The following SPAG16 variants were observed in gnomAD, a reference collection of about 807,000 sequenced individuals.
The protein encoded by SPAG16 is sperm-associated antigen 16 protein.
Under a neutral mutation model 80.4 loss-of-function variants are expected in SPAG16, and 86 were observed. That is an observed-to-expected ratio of 1.07 (90% CI 0.90 to 1.28). SPAG16 has a LOEUF of 1.28. Ranked by LOEUF, SPAG16 falls within the 50% of genes most tolerant of loss-of-function variation. SPAG16 has a pLI of 0.00. For synonymous variants in SPAG16, 294 were observed against 265.9 expected (o/e 1.11, Z -1.03); for missense variants, 870 against 765.3 (o/e 1.14, Z -1.61).
At chr2:214,298,157 T>C (rs9288494) in intron 15 of SPAG16, among the ~76,000 whole-genome samples, 25,232 of 131,150 alleles carry the variant, frequency 0.19, 2,462 homozygotes, top group Middle Eastern at 0.29. Flanking sequence ...CACACACACA[T>C]ATACACACAC....
At chr2:213,390,369 G>T (rs2067676780) in intron 9 of SPAG16, among the ~76,000 whole-genome samples, 1 of 151,938 alleles carries the variant, frequency 6.6e-6, no homozygotes, top group Admixed American at 6.6e-5. Flanking sequence ...TCCTAAAATT[G>T]GTTTTATGTT....
intron 10 of SPAG16, among the ~76,000 whole-genome samples, chr2:213,790,695 T>C (rs2070642603): frequency 6.6e-6 from 1 of 152,008 alleles, no homozygotes; most frequent in Admixed American, 6.6e-5. Flanking sequence ...CAAGCATCTA[T>C]GTGTATGGTC....
chr2:213,754,387 A>G (rs2068220110), intron 10 of SPAG16, among the ~76,000 whole-genome samples: 1 of 152,208 alleles, frequency 6.6e-6, no homozygotes, highest in African/African-American at 2.4e-5. Context: ...GAGCTGGAAA[A>G]TGAGGATTTG....
At chr2:213,556,723 C>T (rs1559251746) in intron 10 of SPAG16, among the ~76,000 whole-genome samples, 3 of 152,128 alleles carry the variant, frequency 2.0e-5, no homozygotes, top group African/African-American at 7.2e-5. Context: ...TGGACTTGAA[C>T]TATACTCTTT....
chr2:213,309,957 G>T, intron 3 of SPAG16, 102 bp from the exon 4 acceptor site: 1 of 702,686 alleles, frequency 1.4e-6, no homozygotes, highest in Non-Finnish European at 2.3e-6. Flanking sequence ...AAACATTGTT[G>T]AAAAAAAATG....
intron 10 of SPAG16, among the ~76,000 whole-genome samples, chr2:213,681,947 C>T (rs1365312220): frequency 6.6e-6 from 1 of 152,118 alleles, no homozygotes; most frequent in Non-Finnish European, 1.5e-5. Context: ...AGACATTACC[C>T]AGATCCAGGC....
intron 15 of SPAG16, among the ~76,000 whole-genome samples, chr2:214,300,675 G>A (rs894560858): frequency 3.3e-5 from 5 of 151,900 alleles, no homozygotes; most frequent in Non-Finnish European, 5.9e-5. Flanking sequence ...AATTATTAGT[G>A]ATAACATAAC....
At chr2:214,174,028 C>T (rs1223114705) in intron 15 of SPAG16, among the ~76,000 whole-genome samples, 1 of 152,002 alleles carries the variant, frequency 6.6e-6, no homozygotes, top group Non-Finnish European at 1.5e-5. Context: ...TTCAACAATC[C>T]TTCATGCTAA....
chr2:214,012,280 A>ATGT (rs1237894126), intron 12 of SPAG16, among the ~76,000 whole-genome samples: 14 of 46,354 alleles, frequency 3.0e-4, no homozygotes, highest in African/African-American at 1.5e-3. Flanking sequence ...ATATATATAT[A>ATGT]TATATATATT....
chr2:213,726,375 G>A, intron 10 of SPAG16, among the ~76,000 whole-genome samples: 1 of 152,096 alleles, frequency 6.6e-6, no homozygotes, highest in Non-Finnish European at 1.5e-5. Context: ...TTCCTTTCTT[G>A]CCTTAGTTGG....
chr2:213,523,264 C>T (rs1332483005), intron 10 of SPAG16, among the ~76,000 whole-genome samples: 1 of 152,168 alleles, frequency 6.6e-6, no homozygotes, highest in Non-Finnish European at 1.5e-5. Flanking sequence ...TTTCTGCCGC[C>T]ATGTGAAGAA....
chr2:213,509,590 G>A (rs528205583), intron 10 of SPAG16, among the ~76,000 whole-genome samples: 11 of 152,108 alleles, frequency 7.2e-5, no homozygotes, highest in South Asian at 2.1e-4. Flanking sequence ...CTGGTATGCC[G>A]TTGGAATAAA....
intron 10 of SPAG16, among the ~76,000 whole-genome samples, chr2:213,545,748 C>G (rs1407979548): frequency 6.6e-6 from 1 of 151,970 alleles, no homozygotes; most frequent in South Asian, 2.1e-4. Context: ...TGATCATTGT[C>G]TCACCATTAT....
chr2:213,604,497 A>G (rs2061184767), intron 10 of SPAG16, among the ~76,000 whole-genome samples: 1 of 151,978 alleles, frequency 6.6e-6, no homozygotes, highest in African/African-American at 2.4e-5. Context: ...ATGTGTCCTC[A>G]TTTCCTTCTT....
At chr2:214,183,555 G>A (rs2057371483) in intron 15 of SPAG16, among the ~76,000 whole-genome samples, 2 of 151,970 alleles carry the variant, frequency 1.3e-5, no homozygotes, top group African/African-American at 4.8e-5. Context: ...AAAGAAAGCA[G>A]AAGCTCTTCC....
chr2:213,818,652 A>T (rs1199753926), intron 10 of SPAG16, among the ~76,000 whole-genome samples: 1 of 152,146 alleles, frequency 6.6e-6, no homozygotes, highest in East Asian at 1.9e-4. Flanking sequence ...ATAAACATAC[A>T]TTATATGGTT....
At chr2:213,969,034 A>G (rs911672756) in intron 12 of SPAG16, among the ~76,000 whole-genome samples, 9 of 152,238 alleles carry the variant, frequency 5.9e-5, no homozygotes, top group Non-Finnish European at 1.5e-5. Context: ...AGACTTGAGT[A>G]AACAAATGGC....
At chr2:213,800,982 T>G (rs2071360384) in intron 10 of SPAG16, among the ~76,000 whole-genome samples, 1 of 152,230 alleles carries the variant, frequency 6.6e-6, no homozygotes, top group African/African-American at 2.4e-5. Context: ...TGATGCTATA[T>G]TTTTGAAACT....
At chr2:213,705,202 C>G (rs2065686623) in intron 10 of SPAG16, among the ~76,000 whole-genome samples, 1 of 151,516 alleles carries the variant, frequency 6.6e-6, no homozygotes, top group South Asian at 2.1e-4. Flanking sequence ...GAGCCGTGAT[C>G]GTGCCACTGC....
Sources: allele counts gnomAD v4.1 joint callset (sites outside exome capture counted in the v4.1 genomes callset), GRCh38; gene constraint gnomAD v4.1.1; transcripts MANE v1.5; gene names NCBI Gene and HGNC (gene_info 2026-07-23, HGNC 2026-07-21).